The following FAM81B variants were observed in gnomAD, a reference collection of about 807,000 sequenced individuals.
FAM81B encodes protein FAM81B.
A neutral mutation model predicts 58.7 loss-of-function variants in FAM81B; 60 were observed. The observed-to-expected ratio is 1.02, with a 90% CI of 0.83 to 1.27. The LOEUF is 1.27. Among genes scored for constraint, FAM81B ranks in the 50% most tolerant of loss-of-function variants. The pLI is 0.00. For missense variants in FAM81B, 491 were observed against 522.0 expected (o/e 0.94, Z 0.58); for synonymous variants, 189 against 179.6 (o/e 1.05, Z -0.42).
At chr5:95,426,603 G>A (rs1285561961) in intron 5 of FAM81B, among the ~76,000 whole-genome samples, 2 of 152,154 alleles carry the variant, frequency 1.3e-5, no homozygotes, top group Non-Finnish European at 1.5e-5. Context: ...TGAAGGTTGC[G>A]CACTCCAGGA....
chr5:95,422,673 T>C (rs1403066172), intron 5 of FAM81B, among the ~76,000 whole-genome samples: 1 of 152,194 alleles, frequency 6.6e-6, no homozygotes, highest in East Asian at 1.9e-4. Context: ...TTAAATGAAA[T>C]ATAATTTGGT....
At chr5:95,397,191 A>C (rs982689888) in intron 3 of FAM81B, 1 of 152,232 alleles carries the variant, frequency 6.6e-6, no homozygotes, top group Non-Finnish European at 1.5e-5. Context: ...GTTCAATCAC[A>C]GTATGTTAGC....
chr5:95,449,517 C>T (rs1488717472), intron 9 of FAM81B, among the ~76,000 whole-genome samples: 1 of 151,928 alleles, frequency 6.6e-6, no homozygotes, highest in Non-Finnish European at 1.5e-5. Context: ...AGGAGGAGTT[C>T]TAAAAAGGGG....
chr5:95,431,416 T>C (rs1744886172), intron 6 of FAM81B, among the ~76,000 whole-genome samples: 1 of 152,106 alleles, frequency 6.6e-6, no homozygotes, highest in African/African-American at 2.4e-5. Context: ...TTCCACTACG[T>C]TCTTTTTTCA....
At chr5:95,423,336 CT>C (rs1295914937) in intron 5 of FAM81B, among the ~76,000 whole-genome samples, 2 of 152,058 alleles carry the variant, frequency 1.3e-5, no homozygotes, top group African/African-American at 4.8e-5. Flanking sequence ...ATACCCTGTC[CT>C]TTATTTAATA....
chr5:95,392,946 T>C (rs1477813006), intron 2 of FAM81B, 49 bp downstream of exon 2: 3 of 1,477,564 alleles, frequency 2.0e-6, no homozygotes, highest in Non-Finnish European at 2.8e-6. Flanking sequence ...TTTGCTCAGC[T>C]TCTTTAAAGT....
At chr5:95,427,290 A>G (rs73778837) in intron 5 of FAM81B, among the ~76,000 whole-genome samples, 1,961 of 152,258 alleles carry the variant, frequency 0.013, 31 homozygotes, top group African/African-American at 0.045. Flanking sequence ...ATTCTAACTA[A>G]CCAACAATAG....
At chr5:95,393,748 T>A (rs1013770002) in intron 2 of FAM81B, among the ~76,000 whole-genome samples, 5 of 152,196 alleles carry the variant, frequency 3.3e-5, no homozygotes, top group Non-Finnish European at 7.3e-5. Flanking sequence ...GGTAATGATA[T>A]CCACTTTATA....
intron 5 of FAM81B, among the ~76,000 whole-genome samples, chr5:95,420,720 T>A (rs1762658375): frequency 6.6e-6 from 1 of 152,136 alleles, no homozygotes; most frequent in Admixed American, 6.6e-5. Context: ...AATCCCCATA[T>A]GTGTCAAATG....
At position 95,450,362 on chromosome 5, in the gene FAM81B, C is replaced by A; in HGVS notation, c.*80C>A. The A allele has an allele frequency of 6.3e-7, 1 of 1,581,870 alleles. No individual in the cohort carries two copies. Among genetic ancestry groups the A allele is most frequent in the South Asian group, 1.2e-5 (1 of 83,506 alleles). ...GTTCTGAAGAAGAAAGTTACTATCT[C>A]TGGGATGTTTACTGCTTCTAATGTC... On this transcript the variant is annotated 3_prime_UTR_variant, in exon 10 of 10. Coordinates refer to ENST00000283357, the MANE Select transcript of FAM81B (RefSeq NM_152548.3).
chr5:95,444,107 C>T (rs1745464695), intron 7 of FAM81B, among the ~76,000 whole-genome samples: 1 of 152,088 alleles, frequency 6.6e-6, no homozygotes, highest in Non-Finnish European at 1.5e-5. Flanking sequence ...AAAACCAAAG[C>T]AGATTAGATT....
chr5:95,400,779 C>G (rs1305048442), intron 3 of FAM81B, among the ~76,000 whole-genome samples: 1 of 152,072 alleles, frequency 6.6e-6, no homozygotes, highest in East Asian at 1.9e-4. Flanking sequence ...AGGAGTCCCT[C>G]TCTCCACAGA....
intron 7 of FAM81B, among the ~76,000 whole-genome samples, chr5:95,444,638 T>A (rs1745486706): frequency 6.6e-6 from 1 of 152,146 alleles, no homozygotes; most frequent in Non-Finnish European, 1.5e-5. Context: ...ACCAACTCCA[T>A]CTTCTTCAGT....
intron 3 of FAM81B, among the ~76,000 whole-genome samples, chr5:95,409,284 G>A (rs573247606): frequency 8.6e-5 from 13 of 151,696 alleles, no homozygotes; most frequent in Non-Finnish European, 1.8e-4. Context: ...TCTGCCTCCC[G>A]AGCGTCTGGG....
intron 7 of FAM81B, among the ~76,000 whole-genome samples, chr5:95,443,276 G>C (rs187452984): frequency 6.2e-4 from 94 of 151,450 alleles, no homozygotes; most frequent in African/African-American, 2.3e-3. Flanking sequence ...TTCCTTCACT[G>C]TTTTGTAATT....
In FAM81B at chr5:95,436,883, C is replaced by T. The variant is rs543416602; in HGVS notation, c.870C>T (p.His290=). ...NLKMVQGDYR[H]EMNLLEFKFH... ...AGATGGTCCAGGGGGATTATCGCCA[C>T]GAAATGAACCTTTTGGAATTCAAGT... is the stretch of plus-strand genomic sequence containing the variant. Residue 290 remains histidine, a synonymous_variant, in exon 7 of 10, where the codon CAC becomes CAT. Transcript: ENST00000283357. 1.9e-5 allele frequency: 31 copies of T among 1,613,560 alleles called. 1 individual carries two copies. In the Middle Eastern group the frequency reaches 4.9e-4, roughly 26 times the overall value.
At chr5:95,414,849 C>T (rs1011800925) in intron 4 of FAM81B, among the ~76,000 whole-genome samples, 1 of 152,122 alleles carries the variant, frequency 6.6e-6, no homozygotes, top group African/African-American at 2.4e-5. Flanking sequence ...CCCTTAAAGC[C>T]TACTTTATTT....
At chr5:95,445,628 T>C (rs1291899121) in intron 7 of FAM81B, among the ~76,000 whole-genome samples, 2 of 152,176 alleles carry the variant, frequency 1.3e-5, no homozygotes, top group Non-Finnish European at 2.9e-5. Flanking sequence ...GGTACCTTCC[T>C]GTACCTCTAT....
At chr5:95,436,369 G>T (rs1252527987) in intron 6 of FAM81B, among the ~76,000 whole-genome samples, 1 of 152,114 alleles carries the variant, frequency 6.6e-6, no homozygotes, top group African/African-American at 2.4e-5. Context: ...ATAAGTATTT[G>T]TTGAGCATTT....
Sources: gnomAD v4.1 joint callset for allele counts (sites outside exome capture counted in the v4.1 genomes callset) on GRCh38, gnomAD v4.1.1 for gene constraint, MANE v1.5 for transcripts, NCBI Gene and HGNC (gene_info 2026-07-23, HGNC 2026-07-21) for gene names.